The following NCEH1 variants were observed in gnomAD, a reference collection of about 807,000 sequenced individuals.
NCEH1 encodes the protein 2-acetyl MAGE hydrolase.
NCEH1 carries 9 observed loss-of-function variants against 25.4 expected under a neutral mutation model. The ratio of observed to expected loss-of-function variants is 0.35; its 90% CI spans 0.21 to 0.62. The LOEUF is 0.62. Ranked by LOEUF, NCEH1 falls within the 20% of genes least tolerant of loss-of-function variation. NCEH1 has a pLI of 0.72. For synonymous variants in NCEH1, 200 were observed against 199.8 expected, an observed-to-expected ratio of 1.00 and a Z score of -0.01; for missense variants, 412 against 501.1, an observed-to-expected ratio of 0.82 and a Z score of 1.70.
intron 1 of NCEH1, among the ~76,000 whole-genome samples, chr3:172,674,375 G>A (rs560783641): frequency 4.0e-5 from 6 of 151,004 alleles, no homozygotes; most frequent in South Asian, 2.1e-4. Context: ...CCCGGGAGGC[G>A]GAGGTTGCAG....
chr3:172,668,214 C>T (rs1216468938), intron 1 of NCEH1, among the ~76,000 whole-genome samples: 1 of 151,942 alleles, frequency 6.6e-6, no homozygotes, highest in Non-Finnish European at 1.5e-5. Context: ...CTATAATACA[C>T]CAAAAGGGAA....
intron 1 of NCEH1, among the ~76,000 whole-genome samples, chr3:172,650,690 T>TA (rs1220226711): frequency 6.7e-6 from 1 of 149,930 alleles, no homozygotes; most frequent in African/African-American, 2.5e-5. Flanking sequence ...CACATGCCTG[T>TA]AATCCCAGCT....
chr3:172,688,330 C>CAAAAAAAAAAAAAAA (rs11376665), intron 1 of NCEH1, among the ~76,000 whole-genome samples: 1 of 66,234 alleles, frequency 1.5e-5, no homozygotes, highest in African/African-American at 6.0e-5. Flanking sequence ...AACTCCACCT[C>CAAAAAAAAAAAAAAA]AAAAAAAAAA....
intron 1 of NCEH1, among the ~76,000 whole-genome samples, chr3:172,696,797 C>T (rs1030982261): frequency 1.3e-5 from 2 of 152,144 alleles, no homozygotes; most frequent in Non-Finnish European, 2.9e-5. Context: ...TCATTGTACA[C>T]TCTCTTTAAG....
At chr3:172,676,241 G>A (rs1237105701) in intron 1 of NCEH1, among the ~76,000 whole-genome samples, 1 of 152,064 alleles carries the variant, frequency 6.6e-6, no homozygotes, top group East Asian at 1.9e-4. Context: ...AGCAAACCCC[G>A]AACCATTTCT....
intron 1 of NCEH1, among the ~76,000 whole-genome samples, chr3:172,657,259 CT>C (rs1392348886): frequency 6.6e-6 from 1 of 152,182 alleles, no homozygotes; most frequent in Non-Finnish European, 1.5e-5. Context: ...CTTGATCTAT[CT>C]TTCTCAAGCT....
intron 1 of NCEH1, among the ~76,000 whole-genome samples, chr3:172,658,657 AC>A (rs1160191404): frequency 6.6e-6 from 1 of 152,138 alleles, no homozygotes; most frequent in Non-Finnish European, 1.5e-5. Flanking sequence ...CCTAAGGAGA[AC>A]CTTACTGCCA....
chr3:172,679,656 A>G (rs1394293660), intron 1 of NCEH1, among the ~76,000 whole-genome samples: 1 of 152,044 alleles, frequency 6.6e-6, no homozygotes, highest in Non-Finnish European at 1.5e-5. Context: ...TTCCTATAAT[A>G]AGAAACAACC....
At chr3:172,661,254 T>G (rs1158964386) in intron 1 of NCEH1, among the ~76,000 whole-genome samples, 1 of 152,234 alleles carries the variant, frequency 6.6e-6, no homozygotes, top group Non-Finnish European at 1.5e-5. Context: ...TTCTTGTTTT[T>G]GTCAGGTTTG....
At chr3:172,679,711 A>C (rs1445529661) in intron 1 of NCEH1, among the ~76,000 whole-genome samples, 2 of 152,152 alleles carry the variant, frequency 1.3e-5, no homozygotes, top group Non-Finnish European at 2.9e-5. Context: ...TTAAAGGGCC[A>C]GGCCAGCAAG....
chr3:172,660,255 T>C (rs1254511600), intron 1 of NCEH1, among the ~76,000 whole-genome samples: 2 of 152,060 alleles, frequency 1.3e-5, no homozygotes, highest in Admixed American at 1.3e-4. Context: ...AACAGTTTGC[T>C]CAGAATGATG....
At position 172,640,531 on chromosome 3, in the gene NCEH1, G is replaced by A. The variant is rs191172328; in HGVS notation, c.438-4444C>T. 3.5e-3 allele frequency among the ~76,000 whole-genome samples: 534 copies of A among 152,092 alleles called. 5 individuals carry two copies. Among genetic ancestry groups the A allele is most frequent in the African/African-American group, 0.012 (513 of 41,520 alleles). ...TTTATTTATTTATTTATTTTGAGAC[G>A]GAGTCTCGCTCTGTCGCCCAGGCTG... On this transcript the variant is annotated intron_variant, in intron 3 of 4. Transcript: ENST00000475381.
intron 1 of NCEH1, among the ~76,000 whole-genome samples, chr3:172,684,120 C>T (rs912203550): frequency 2.0e-5 from 3 of 152,162 alleles, no homozygotes; most frequent in East Asian, 3.8e-4. Flanking sequence ...CACCCATTCA[C>T]GTAGGTCATG....
intron 1 of NCEH1, among the ~76,000 whole-genome samples, chr3:172,706,522 A>C: frequency 8.1e-6 from 1 of 123,402 alleles, no homozygotes; most frequent in Non-Finnish European, 1.6e-5. Flanking sequence ...TTTTTTTGAG[A>C]CGAAGTCTCA....
chr3:172,648,011 T>G lies in NCEH1; in HGVS notation c.242A>C (p.Lys81Thr), dbSNP rs749826453. The stretch of plus-strand genomic sequence containing the variant: ...ACCATCAAAGTCTGTGTCGGTCACC[T>G]TCACTTGGGCAGAAGACCACGCGCT... ...KKSAWSSAQV[K>T]VTDTDFDGVE... The change falls in exon 2 of 5, where the codon AAG becomes ACG. Residue 81 changes from lysine to threonine, a missense_variant. Physicochemically the swap from Lys to Thr is moderately conservative, Grantham distance 78 (BLOSUM62 -1). Transcript: ENST00000475381. 3 of 1,614,174 alleles carry G rather than the reference T, an allele frequency of 1.9e-6. No homozygotes were observed. Among genetic ancestry groups the G allele is most frequent in the Admixed American group, 1.7e-5 (1 of 60,022 alleles).
intron 1 of NCEH1, among the ~76,000 whole-genome samples, chr3:172,648,954 G>A (rs1717262636): frequency 6.6e-6 from 1 of 152,204 alleles, no homozygotes; most frequent in Admixed American, 6.5e-5. Context: ...AAGGGGAACA[G>A]CTGGAGAGTA....
intron 1 of NCEH1, among the ~76,000 whole-genome samples, chr3:172,684,167 CACTT>C (rs1388529036): frequency 1.3e-5 from 2 of 152,332 alleles, no homozygotes; most frequent in Admixed American, 6.5e-5. Flanking sequence ...TTCACCCTAA[CACTT>C]ACAACCCCTC....
intron 1 of NCEH1, among the ~76,000 whole-genome samples, chr3:172,660,131 C>A (rs58527440): frequency 6.6e-5 from 9 of 135,972 alleles, no homozygotes; most frequent in Admixed American, 1.5e-4. Flanking sequence ...ATCCCTCCCC[C>A]CTCCCCACGA....
intron 3 of NCEH1, among the ~76,000 whole-genome samples, chr3:172,639,286 G>A (rs1716742136): frequency 7.0e-6 from 1 of 142,108 alleles, no homozygotes; most frequent in Non-Finnish European, 1.5e-5. Flanking sequence ...GACAGAGTGA[G>A]GCTCCGTCTC....
Sources: gnomAD v4.1 joint callset for allele counts (sites outside exome capture counted in the v4.1 genomes callset) on GRCh38, gnomAD v4.1.1 for gene constraint, MANE v1.5 for transcripts, NCBI Gene and HGNC (gene_info 2026-07-23, HGNC 2026-07-21) for gene names.